Variants in NIN observed in about 807,000 individuals in gnomAD.
The protein encoded by NIN is ninein, also known as glycogen synthase kinase 3 beta-interacting protein.
A neutral mutation model predicts 257.6 loss-of-function variants in NIN; 137 were observed. The observed-to-expected ratio is 0.53, with a 90% CI of 0.46 to 0.61. NIN has a LOEUF of 0.61. NIN is among the 20% of genes least tolerant of loss of function. The probability of loss-of-function intolerance (pLI) is 0.00; values close to 1 mark genes in which losing one functional copy is unlikely to be tolerated. For missense variants in NIN, 2,439 were observed against 2,501.2 expected (o/e 0.98, Z 0.53); for synonymous variants, 918 against 919.8 (o/e 1.00, Z 0.04).
At chr14:50,818,379 A>T (rs1414569136) in intron 3 of NIN, among the ~76,000 whole-genome samples, 1 of 151,758 alleles carries the variant, frequency 6.6e-6, no homozygotes, top group South Asian at 2.1e-4. Flanking sequence ...ACCAAGGCAA[A>T]TTATCTTCAT....
At position 50,726,222 on chromosome 14, in the gene NIN, T is replaced by C. The variant is rs879246910; in HGVS notation, c.6079-156A>G. The stretch of plus-strand genomic sequence containing the variant: ...TGAAATGAGAGTTTTGAGCCCTGCA[T>C]GGATTGCATATGTCAGAAAAGTAAC... On this transcript the variant is annotated intron_variant, in intron 29 of 30. Coordinates refer to ENST00000530997, the MANE Select transcript of NIN (RefSeq NM_020921.4). 8.2e-6 allele frequency: 5 copies of C among 609,850 alleles called. No individual in the cohort carries two copies. In the Admixed American group the frequency reaches 1.5e-4, roughly 18 times the overall value. 37.8% of individuals were successfully genotyped at this position (609,850 alleles called of 1,614,324 possible).
chr14:50,795,582 C>G (rs1397586819), intron 4 of NIN, among the ~76,000 whole-genome samples: 4 of 152,236 alleles, frequency 2.6e-5, no homozygotes. Context: ...TCCAAAACTG[C>G]AACCCTGGGG....
At position 50,771,408 on chromosome 14, in the gene NIN, T is replaced by G. The variant is rs971448358; in HGVS notation, c.1042A>C (p.Asn348His). 6.2e-7 allele frequency: 1 copy of G among 1,614,102 alleles called. No homozygotes were observed. The highest frequency in any genetic ancestry group is 8.5e-7 in the Non-Finnish European group (1 of 1,180,048). ...NLTELTLALE[N>H]ELLVTKNSIH... ...CTGTTCTTGGTAACCAAAAGTTCAT[T>G]TTCAAGGGCCAGTGTTAATTCTGTC... The change falls in exon 10 of 31, where the codon AAT becomes CAT. Residue 348 changes from asparagine to histidine, a missense_variant. By Grantham distance (68) the Asn-to-His change is moderately conservative (BLOSUM62 1). Coordinates refer to ENST00000530997, the MANE Select transcript of NIN (RefSeq NM_020921.4).
At chr14:50,748,137 A>G (rs896230066) in intron 21 of NIN, 32 bp from the exon 22 acceptor site, 16 of 1,445,536 alleles carry the variant, frequency 1.1e-5, no homozygotes, top group Non-Finnish European at 1.6e-5. Context: ...CAAATAACAG[A>G]CATACATATT....
chr14:50,760,446 T>C, intron 16 of NIN, 87 bp from the exon 17 acceptor site: 1 of 1,316,512 alleles, frequency 7.6e-7, no homozygotes, highest in Non-Finnish European at 1.0e-6. Flanking sequence ...GCTTTTTTTT[T>C]TTTTTTTTTT....
chr14:50,761,775 GT>G lies in NIN; in HGVS notation c.1896+14del. The G allele has an allele frequency of 6.2e-7, 1 of 1,613,926 alleles. No individual in the cohort carries two copies. On this transcript the variant is annotated intron_variant, in intron 16 of 30. Transcript: ENST00000530997. ...CAAAAGAAATTAGAGAAGTGGATTG[GT>G]GGGAAGGACTTACTTTATCTTCGAG...
At chr14:50,780,911 A>G (rs1187111253) in intron 5 of NIN, among the ~76,000 whole-genome samples, 2 of 152,220 alleles carry the variant, frequency 1.3e-5, no homozygotes, top group African/African-American at 4.8e-5. Context: ...CGTCTCTCCA[A>G]TCTAGTGGAT....
At chr14:50,784,790 A>G (rs2043272922) in intron 5 of NIN, among the ~76,000 whole-genome samples, 1 of 152,240 alleles carries the variant, frequency 6.6e-6, no homozygotes, top group Admixed American at 6.5e-5. Flanking sequence ...GAGCATGATG[A>G]TTGTGATGAA....
chr14:50,740,355 T>TC (rs1296656206), intron 25 of NIN, among the ~76,000 whole-genome samples: 1 of 150,522 alleles, frequency 6.6e-6, no homozygotes, highest in Non-Finnish European at 1.5e-5. Flanking sequence ...CAGCTGGCTT[T>TC]TTTTTTTTTT....
rs888472028 is a variant in NIN at position 50,730,876 on chromosome 14, T to C, written c.5878-1153A>G. 1.4e-5 allele frequency: 18 copies of C among 1,304,902 alleles called. No homozygotes were observed. In the African/African-American group the frequency reaches 1.6e-4, roughly 12 times the overall value. 80.8% of individuals were successfully genotyped at this position (1,304,902 alleles called of 1,614,324 possible). ...GAAATAACATGAGCAAGGGGTTTAA[T>C]GAGATGGCTCCATGCTATGAAAGTT... On this transcript the variant is annotated intron_variant, in intron 28 of 30. Coordinates refer to ENST00000530997, the MANE Select transcript of NIN (RefSeq NM_020921.4).
chr14:50,769,458 T>A (rs1223529268), intron 12 of NIN, among the ~76,000 whole-genome samples: 2 of 151,974 alleles, frequency 1.3e-5, no homozygotes, highest in African/African-American at 4.8e-5. Flanking sequence ...GGCCAGGGTT[T>A]GATACCAGCC....
intron 12 of NIN, among the ~76,000 whole-genome samples, chr14:50,767,858 T>C (rs1318675904): frequency 6.6e-6 from 1 of 151,932 alleles, no homozygotes; most frequent in Non-Finnish European, 1.5e-5. Context: ...AATCAATTTA[T>C]TGATATTATG....
At chr14:50,779,853 A>T (rs111233346) in intron 5 of NIN, among the ~76,000 whole-genome samples, 5,965 of 152,282 alleles carry the variant, frequency 0.039, 181 homozygotes, top group Non-Finnish European at 0.059. Context: ...CATAGTGAGG[A>T]GAGAGATGCA....
rs368065809 is a variant in NIN at position 50,793,496 on chromosome 14, A to G, written c.266-615T>C. Reference sequence around the variant, plus strand: ...GCATCAAGATCTCATTGTAAAATTAAAAACAGTAAAATAAAATAGCAAATG... The same window carrying G: ...GCATCAAGATCTCATTGTAAAATTAGAAACAGTAAAATAAAATAGCAAATG... On this transcript the variant is annotated intron_variant, in intron 4 of 30. Coordinates refer to ENST00000530997, the MANE Select transcript of NIN (RefSeq NM_020921.4). 2.2e-4 allele frequency among the ~76,000 whole-genome samples: 33 copies of G among 152,360 alleles called. No homozygotes were observed. In the East Asian group the frequency reaches 6.4e-3, roughly 29 times the overall value.
At chr14:50,784,590 T>G (rs1286126532) in intron 5 of NIN, among the ~76,000 whole-genome samples, 1 of 152,338 alleles carries the variant, frequency 6.6e-6, no homozygotes, top group East Asian at 1.9e-4. Flanking sequence ...GACAGACTAG[T>G]GCCAGCTTTA....
chr14:50,780,636 T>C (rs762683408), intron 5 of NIN, among the ~76,000 whole-genome samples: 5 of 152,200 alleles, frequency 3.3e-5, no homozygotes, highest in Non-Finnish European at 5.9e-5. Context: ...CACAGGTCCA[T>C]GTTAGATATT....
chr14:50,789,883 C>A (rs973857998), intron 5 of NIN, among the ~76,000 whole-genome samples: 1 of 152,204 alleles, frequency 6.6e-6, no homozygotes, highest in Non-Finnish European at 1.5e-5. Context: ...GGAATGCTGT[C>A]TTGCCATAAC....
In NIN at chr14:50,757,605, T is replaced by C. The variant is rs1223761622; in HGVS notation, c.3425A>G (p.His1142Arg). 6.2e-7 allele frequency: 1 copy of C among 1,614,184 alleles called. No homozygotes were observed. The highest frequency in any genetic ancestry group is 8.5e-7 in the Non-Finnish European group (1 of 1,180,042). ...TKQVEGVTRR[H>R]VLSDLEDDEV... ...ATCATCTTCCAGGTCACTTAGGACA[T>C]GCCGCCTGGTCACACCTTCTACTTG... The change falls in exon 18 of 31, where the codon CAT becomes CGT. Residue 1142 changes from histidine to arginine, a missense_variant. By Grantham distance (29) the His-to-Arg change is conservative. Coordinates refer to ENST00000530997, the MANE Select transcript of NIN (RefSeq NM_020921.4).
intron 28 of NIN, 116 bp downstream of exon 28, chr14:50,735,400 G>C (rs1363287663): frequency 1.9e-5 from 26 of 1,387,232 alleles, no homozygotes; most frequent in Non-Finnish European, 2.2e-5. Context: ...CAACTTGGCA[G>C]TGTACTTAGA....
Sources: allele counts gnomAD v4.1 joint callset (sites outside exome capture counted in the v4.1 genomes callset), GRCh38; gene constraint gnomAD v4.1.1; transcripts MANE v1.5; gene names NCBI Gene and HGNC (gene_info 2026-07-23, HGNC 2026-07-21).